Variants in COL5A2 observed in about 807,000 individuals in gnomAD.
The protein encoded by COL5A2 is collagen type V alpha 2 chain.
In COL5A2, 23 loss-of-function variants were observed where a neutral mutation model predicts 208.2. The observed-to-expected ratio is 0.11, with a 90% CI of 0.08 to 0.16. The LOEUF (loss-of-function observed/expected upper bound fraction) is 0.16, where lower values mean the gene tolerates loss of function less well. COL5A2 is among the 10% of genes least tolerant of loss of function. The pLI is 1.00. For synonymous variants in COL5A2, 625 were observed against 628.5 expected (o/e 0.99, Z 0.08); for missense variants, 1,590 against 1,956.4 (o/e 0.81, Z 3.53).
rs374549843 is a variant in COL5A2, at chr2:189,048,232, G to A, written c.3178C>T (p.Arg1060Trp). ...GPAGNDGTPG[R>W]DGAVGERGDR... ...ACACGTTCTCCAACAGCACCATCCC[G>A]TCCTGGGGTACCATCATTGCCAGCT... Residue 1060 changes from arginine to tryptophan, a missense_variant, in exon 45 of 54, where the codon CGG becomes TGG. Physicochemically the swap from Arg to Trp is moderately radical, Grantham distance 101 (BLOSUM62 -3). Coordinates refer to ENST00000374866, the MANE Select transcript of COL5A2 (RefSeq NM_000393.5). The A allele has an allele frequency of 8.4e-5, 136 of 1,613,910 alleles. No individual in the cohort carries two copies. The highest frequency in any genetic ancestry group is 1.0e-4 in the Non-Finnish European group (121 of 1,179,914).
intron 1 of COL5A2, among the ~76,000 whole-genome samples, chr2:189,224,811 C>T (rs1689392513): frequency 6.6e-6 from 1 of 151,850 alleles, no homozygotes; most frequent in Non-Finnish European, 1.5e-5. Flanking sequence ...CATCCAAAAA[C>T]CATTAAGTGA....
the COL5A2 span, among the ~76,000 whole-genome samples, chr2:189,392,692 G>C: frequency 3.3e-5 from 5 of 152,004 alleles, no homozygotes; most frequent in Non-Finnish European, 5.9e-5. Context: ...ATAGAAACAG[G>C]GCAAGAATTC....
the COL5A2 span, among the ~76,000 whole-genome samples, chr2:189,422,598 G>T: frequency 6.6e-6 from 1 of 152,154 alleles, no homozygotes; most frequent in Non-Finnish European, 1.5e-5. Flanking sequence ...ATGGCACATG[G>T]AGCACTCTCC....
At chr2:189,391,423 C>T in the COL5A2 span, among the ~76,000 whole-genome samples, 1 of 152,128 alleles carries the variant, frequency 6.6e-6, no homozygotes, top group Middle Eastern at 3.2e-3. Flanking sequence ...GAAACCACTG[C>T]TCTCATTAAA....
At chr2:189,046,532 T>G (rs1227859778) in intron 45 of COL5A2, among the ~76,000 whole-genome samples, 1 of 152,170 alleles carries the variant, frequency 6.6e-6, no homozygotes, top group African/African-American at 2.4e-5. Flanking sequence ...TACGAAGGAT[T>G]TGGAAAATAA....
chr2:189,405,031 C>A, the COL5A2 span, among the ~76,000 whole-genome samples: 1 of 151,970 alleles, frequency 6.6e-6, no homozygotes, highest in Non-Finnish European at 1.5e-5. Context: ...ATAATTGTAC[C>A]TATTTTATGG....
At chr2:189,123,325 G>T (rs991433350) in intron 1 of COL5A2, among the ~76,000 whole-genome samples, 1 of 152,076 alleles carries the variant, frequency 6.6e-6, no homozygotes, top group Non-Finnish European at 1.5e-5. Context: ...ATATCTACTG[G>T]GTACTTTGGG....
At chr2:189,194,223 T>G (rs907205433) in intron 1 of COL5A2, among the ~76,000 whole-genome samples, 91 of 152,108 alleles carry the variant, frequency 6.0e-4, no homozygotes, top group African/African-American at 2.1e-3. Flanking sequence ...TACACTATGG[T>G]CCAAGCGAGT....
chr2:189,354,506 G>A, the COL5A2 span, among the ~76,000 whole-genome samples: 4 of 152,150 alleles, frequency 2.6e-5, no homozygotes, highest in African/African-American at 9.7e-5. Flanking sequence ...TTTAGACTTC[G>A]GAGGGTGTAT....
In COL5A2 at chr2:189,039,255, G is replaced by C. The variant is rs1685506449; in HGVS notation, c.3925+17C>G. 1.2e-6 allele frequency: 2 copies of C among 1,613,316 alleles called. No individual in the cohort carries two copies. The highest frequency in any genetic ancestry group is 1.7e-6 in the Non-Finnish European group (2 of 1,179,864). On this transcript the variant is annotated intron_variant, in intron 51 of 53. Transcript: ENST00000374866. Reference sequence around the variant, plus strand: ...AGAAACAACGGGTTTTGCTCAAATGGGCTGCTGTCTACTCACCACTCTGCT... The same window carrying C: ...AGAAACAACGGGTTTTGCTCAAATGCGCTGCTGTCTACTCACCACTCTGCT...
At chr2:189,295,778 C>T in the COL5A2 span, among the ~76,000 whole-genome samples, 2 of 150,482 alleles carry the variant, frequency 1.3e-5, no homozygotes, top group African/African-American at 2.4e-5. Flanking sequence ...ACTTAAATTC[C>T]GTGAGCCTCC....
chr2:189,422,029 T>C, the COL5A2 span, among the ~76,000 whole-genome samples: 1 of 152,082 alleles, frequency 6.6e-6, no homozygotes, highest in Non-Finnish European at 1.5e-5. Flanking sequence ...AGGCTTACTA[T>C]TGGAAGGCAT....
the COL5A2 span, among the ~76,000 whole-genome samples, chr2:189,340,429 G>T: frequency 6.6e-6 from 1 of 152,102 alleles, no homozygotes; most frequent in Non-Finnish European, 1.5e-5. Context: ...AAAAAGTAAG[G>T]TTACAGTATT....
the COL5A2 span, among the ~76,000 whole-genome samples, chr2:189,281,633 A>G: frequency 6.6e-6 from 1 of 152,206 alleles, no homozygotes; most frequent in Non-Finnish European, 1.5e-5. Context: ...TGCCAGTAAT[A>G]ACATCTCTAA....
Position 189,036,606 on chromosome 2 carries a change from A to AT in COL5A2, c.4113+9dup. On this transcript the variant is annotated intron_variant, in intron 52 of 53. Transcript: ENST00000374866. ...AAAGAATACAATTTTAAGTAAACATATTAAATTACCTGAGACCCTCTGTTC... is the reference window on the plus strand; with the variant it reads ...AAAGAATACAATTTTAAGTAAACATATTTAAATTACCTGAGACCCTCTGTTC... 6.2e-7 allele frequency: 1 copy of AT among 1,600,326 alleles called. No homozygotes were observed. The highest frequency in any genetic ancestry group is 8.6e-7 in the Non-Finnish European group (1 of 1,168,334).
At chr2:189,351,285 T>C in the COL5A2 span, among the ~76,000 whole-genome samples, 1 of 152,294 alleles carries the variant, frequency 6.6e-6, no homozygotes, top group African/African-American at 2.4e-5. Context: ...TTCTAGAACA[T>C]CATCCAAAGA....
At chr2:189,195,630 G>C (rs1367452277) in intron 1 of COL5A2, among the ~76,000 whole-genome samples, 2 of 152,038 alleles carry the variant, frequency 1.3e-5, no homozygotes, top group African/African-American at 4.8e-5. Flanking sequence ...TAGACCAATG[G>C]ATCAGAACAG....
At chr2:189,195,603 G>C (rs1389442207) in intron 1 of COL5A2, among the ~76,000 whole-genome samples, 2 of 152,074 alleles carry the variant, frequency 1.3e-5, no homozygotes, top group Non-Finnish European at 1.5e-5. Context: ...CATGGTACTG[G>C]TACCAAAACA....
chr2:189,252,958 C>G, the COL5A2 span, among the ~76,000 whole-genome samples: 2 of 152,064 alleles, frequency 1.3e-5, no homozygotes, highest in South Asian at 4.1e-4. Context: ...ATATGCCACA[C>G]TAAGAAGTCT....
Sources: allele counts gnomAD v4.1 joint callset (sites outside exome capture counted in the v4.1 genomes callset), GRCh38; gene constraint gnomAD v4.1.1; transcripts MANE v1.5; gene names NCBI Gene and HGNC (gene_info 2026-07-23, HGNC 2026-07-21).